Variants in ADGRL2 observed in about 807,000 individuals in gnomAD.
The protein encoded by ADGRL2 is calcium-independent alpha-latrotoxin receptor 2.
Under a neutral mutation model 157.4 loss-of-function variants are expected in ADGRL2, and 44 were observed. That is an observed-to-expected ratio of 0.28 (90% CI 0.22 to 0.36). The LOEUF is 0.36. ADGRL2 is among the 10% of genes least tolerant of loss of function. The pLI, the probability that ADGRL2 is intolerant of heterozygous loss-of-function variation, is 1.00. For missense variants in ADGRL2, 1,510 were observed against 1,768.9 expected (o/e 0.85, Z 2.63); for synonymous variants, 585 against 624.7 (o/e 0.94, Z 0.95).
chr1:81,530,223 T>G, intron 2 of ADGRL2, among the ~76,000 whole-genome samples: 1 of 152,198 alleles, frequency 6.6e-6, no homozygotes, highest in East Asian at 1.9e-4. Flanking sequence ...CAGCTTTATC[T>G]TCATACCAGT....
At chr1:81,720,178 T>C (rs2084253476) in intron 1 of ADGRL2, among the ~76,000 whole-genome samples, 3 of 145,052 alleles carry the variant, frequency 2.1e-5, no homozygotes, top group South Asian at 4.7e-4. Flanking sequence ...TTCCTTTTTT[T>C]CTTTTCTTTT....
At chr1:81,614,703 G>C (rs2081607329) in intron 3 of ADGRL2, among the ~76,000 whole-genome samples, 1 of 152,078 alleles carries the variant, frequency 6.6e-6, no homozygotes, top group African/African-American at 2.4e-5. Context: ...AAAGGAAGAG[G>C]TTGTCACCAC....
intron 3 of ADGRL2, among the ~76,000 whole-genome samples, chr1:81,581,836 A>T (rs938396557): frequency 2.0e-5 from 3 of 150,962 alleles, no homozygotes; most frequent in Admixed American, 1.3e-4. Context: ...TTTCCAATCA[A>T]ATACGGTATT....
intron 2 of ADGRL2, among the ~76,000 whole-genome samples, chr1:81,560,699 G>GA (rs2080420526): frequency 6.6e-6 from 1 of 152,122 alleles, no homozygotes; most frequent in Non-Finnish European, 1.5e-5. Flanking sequence ...TCGTGGTGAA[G>GA]AAGGAAGAGA....
intron 1 of ADGRL2, among the ~76,000 whole-genome samples, chr1:81,825,353 C>G (rs528845934): frequency 1.3e-5 from 2 of 151,928 alleles, no homozygotes; most frequent in African/African-American, 4.8e-5. Flanking sequence ...CAGAGCAAGA[C>G]GCTCTCTTTT....
At chr1:81,580,584 G>A (rs1438234081) in intron 2 of ADGRL2, among the ~76,000 whole-genome samples, 1 of 151,962 alleles carries the variant, frequency 6.6e-6, no homozygotes, top group East Asian at 1.9e-4. Context: ...TGTTAAAGGA[G>A]TATCACTCAC....
chr1:81,987,695 A>G (rs1663584674), intron 22 of ADGRL2, among the ~76,000 whole-genome samples, 174 bp from the exon 23 acceptor site: 1 of 151,906 alleles, frequency 6.6e-6, no homozygotes, highest in Non-Finnish European at 1.5e-5. Flanking sequence ...AGATTTTGGT[A>G]AAGTTTTCAC....
At chr1:81,575,404 A>G (rs1021652924) in intron 2 of ADGRL2, among the ~76,000 whole-genome samples, 2 of 152,146 alleles carry the variant, frequency 1.3e-5, no homozygotes, top group Admixed American at 6.6e-5. Flanking sequence ...TTTAGGACAA[A>G]TTATGCACAT....
chr1:81,414,614 C>A (rs930401271), intron 1 of ADGRL2, among the ~76,000 whole-genome samples: 1 of 152,122 alleles, frequency 6.6e-6, no homozygotes, highest in Non-Finnish European at 1.5e-5. Flanking sequence ...TGGCGCTCTC[C>A]CCTCTGAGTC....
At chr1:81,457,628 T>G (rs931741056) in intron 2 of ADGRL2, among the ~76,000 whole-genome samples, 2 of 152,218 alleles carry the variant, frequency 1.3e-5, no homozygotes, top group Admixed American at 6.5e-5. Context: ...AAATTCCTCT[T>G]TAATAGTTGT....
chr1:81,848,587 A>G (rs1039395702), intron 2 of ADGRL2, among the ~76,000 whole-genome samples: 10 of 152,052 alleles, frequency 6.6e-5, no homozygotes, highest in African/African-American at 1.9e-4. Context: ...GGTAATTATC[A>G]AACGAGCTAA....
At chr1:81,864,078 G>A (rs898067090) in intron 2 of ADGRL2, among the ~76,000 whole-genome samples, 6 of 152,184 alleles carry the variant, frequency 3.9e-5, no homozygotes, top group African/African-American at 9.6e-5. Flanking sequence ...TAAAATTTTA[G>A]CATTTCAGGT....
At chr1:81,320,963 G>C (rs941612532) in intron 1 of ADGRL2, among the ~76,000 whole-genome samples, 1 of 152,164 alleles carries the variant, frequency 6.6e-6, no homozygotes, top group African/African-American at 2.4e-5. Flanking sequence ...GTCCTAGATG[G>C]CATCTGTTTC....
intron 2 of ADGRL2, among the ~76,000 whole-genome samples, chr1:81,504,651 A>G (rs2078930572): frequency 6.6e-6 from 1 of 152,118 alleles, no homozygotes; most frequent in Non-Finnish European, 1.5e-5. Flanking sequence ...CTCAGGGATC[A>G]CGGGGGCGGG....
intron 2 of ADGRL2, among the ~76,000 whole-genome samples, chr1:81,889,671 G>GATT (rs1411238090): frequency 4.6e-5 from 7 of 152,208 alleles, no homozygotes; most frequent in African/African-American, 1.7e-4. Context: ...CTAAACAACA[G>GATT]ATTTTAAATA....
intron 3 of ADGRL2, among the ~76,000 whole-genome samples, chr1:81,658,529 G>A (rs563152541): frequency 6.6e-6 from 1 of 152,240 alleles, no homozygotes; most frequent in East Asian, 1.9e-4. Flanking sequence ...AGTGTACATT[G>A]TGCCCAATTG....
intron 1 of ADGRL2, among the ~76,000 whole-genome samples, chr1:81,821,211 A>G (rs539276552): frequency 6.6e-6 from 1 of 152,324 alleles, no homozygotes; most frequent in East Asian, 1.9e-4. Flanking sequence ...AAATACGTAA[A>G]GAAAGTTTTG....
At chr1:81,690,269 C>G (rs477738) in intron 3 of ADGRL2, among the ~76,000 whole-genome samples, 100,575 of 152,014 alleles carry the variant, frequency 0.66, 33,731 homozygotes, top group African/African-American at 0.69. Context: ...AAGGTGGGCA[C>G]ATCACTTGAG....
intron 3 of ADGRL2, among the ~76,000 whole-genome samples, chr1:81,609,656 A>T (rs2081501774): frequency 6.6e-6 from 1 of 152,308 alleles, no homozygotes; most frequent in African/African-American, 2.4e-5. Context: ...ATCTTGCATG[A>T]ATGGTTCACT....
Sources: allele counts gnomAD v4.1 joint callset (sites outside exome capture counted in the v4.1 genomes callset), GRCh38; gene constraint gnomAD v4.1.1; transcripts MANE v1.5; gene names NCBI Gene and HGNC (gene_info 2026-07-23, HGNC 2026-07-21).